The following CR1L variants were observed in gnomAD, a reference collection of about 807,000 sequenced individuals.
CR1L encodes the protein complement C3b/C4b receptor 1 like.
CR1L carries 59 observed loss-of-function variants against 62.3 expected under a neutral mutation model. The ratio of observed to expected loss-of-function variants is 0.95; its 90% CI spans 0.77 to 1.18. The LOEUF is 1.18. Ranked by LOEUF, CR1L falls within the 50% of genes most tolerant of loss-of-function variation. The probability of loss-of-function intolerance (pLI) is 0.00; values close to 1 mark genes in which losing one functional copy is unlikely to be tolerated. For synonymous variants in CR1L, 279 were observed against 248.7 expected (o/e 1.12, Z -1.15); for missense variants, 700 against 702.8 (o/e 1.00, Z 0.04).
intron 8 of CR1L, among the ~76,000 whole-genome samples, chr1:207,700,485 G>T (rs1454349683): frequency 6.6e-6 from 1 of 152,204 alleles, no homozygotes; most frequent in Non-Finnish European, 1.5e-5. Context: ...CAAATCAGTA[G>T]ATGCTAGAAA....
At chr1:207,647,424 G>A (rs1371587944) in intron 1 of CR1L, among the ~76,000 whole-genome samples, 1 of 152,098 alleles carries the variant, frequency 6.6e-6, no homozygotes, top group Non-Finnish European at 1.5e-5. Flanking sequence ...CCCAACTCAG[G>A]TTGAACACAT....
In CR1L at chr1:207,697,510, G is replaced by A; in HGVS notation, c.870G>A (p.Gln290=). Residue 290 remains glutamine, a synonymous_variant, in exon 6 of 12, where the codon CAG becomes CAA. Coordinates refer to ENST00000508064, the MANE Select transcript of CR1L (RefSeq NM_175710.2). ...TTGTTTCTCTCTCCCCAGTATGTCA[G>A]CCACCTCCAGATGTCCTGCATGCTG... ...PELPSCSRVC[Q]PPPDVLHAER... 1 of 1,613,720 alleles carries A rather than the reference G, an allele frequency of 6.2e-7. No individual in the cohort carries two copies. Among genetic ancestry groups the A allele is most frequent in the Non-Finnish European group, 8.5e-7 (1 of 1,179,720 alleles).
intron 1 of CR1L, chr1:207,652,666 C>A: frequency 1.0e-5 from 10 of 1,000,714 alleles, no homozygotes; most frequent in Non-Finnish European, 1.4e-5. Context: ...CTACGTACCT[C>A]CTCTTGCCAC....
intron 1 of CR1L, among the ~76,000 whole-genome samples, chr1:207,672,857 T>G (rs1002209093): frequency 2.5e-4 from 38 of 152,074 alleles, no homozygotes; most frequent in Non-Finnish European, 7.4e-5. Flanking sequence ...CTCGGATGAG[T>G]AGATGTATGA....
chr1:207,722,315 T>C (rs201973820), intron 11 of CR1L, among the ~76,000 whole-genome samples: 28 of 114,234 alleles, frequency 2.5e-4, no homozygotes, highest in South Asian at 5.7e-4. Flanking sequence ...CTAGGGTTTT[T>C]ATGGTTTTAG....
intron 9 of CR1L, 59 bp downstream of exon 9, chr1:207,701,677 A>G (rs1428125905): frequency 6.2e-7 from 1 of 1,608,526 alleles, no homozygotes; most frequent in African/African-American, 1.3e-5. Flanking sequence ...ACTACCTTCT[A>G]GCCACATCTC....
intron 1 of CR1L, chr1:207,658,461 C>T (rs1047444456): frequency 2.6e-5 from 4 of 152,250 alleles, no homozygotes; most frequent in African/African-American, 9.6e-5. Flanking sequence ...GCACCCCAGC[C>T]AGCTTGAAGA....
At chr1:207,665,445 G>T (rs1307760404) in intron 1 of CR1L, among the ~76,000 whole-genome samples, 4 of 151,344 alleles carry the variant, frequency 2.6e-5, no homozygotes, top group African/African-American at 9.7e-5. Context: ...CACCCAGGCT[G>T]GAGTCCAGTG....
At chr1:207,720,817 T>C (rs1014833762) in intron 11 of CR1L, among the ~76,000 whole-genome samples, 2 of 152,202 alleles carry the variant, frequency 1.3e-5, no homozygotes, top group Admixed American at 6.5e-5. Flanking sequence ...AATTAAACTA[T>C]GTGACACTCA....
At chr1:207,655,470 GT>G (rs1395300441) in intron 1 of CR1L, among the ~76,000 whole-genome samples, 4 of 151,966 alleles carry the variant, frequency 2.6e-5, no homozygotes, top group Admixed American at 1.3e-4. Flanking sequence ...GATTCTTTTT[GT>G]TTTTGTTTTT....
intron 8 of CR1L, 70 bp from the exon 9 acceptor site, chr1:207,701,449 G>T (rs1397059579): frequency 1.3e-6 from 2 of 1,585,568 alleles, no homozygotes; most frequent in Admixed American, 3.4e-5. Flanking sequence ...CTACATGCAG[G>T]TTGAGACCTT....
At chr1:207,684,569 A>T (rs1663866740) in intron 4 of CR1L, among the ~76,000 whole-genome samples, 1 of 152,232 alleles carries the variant, frequency 6.6e-6, no homozygotes, top group Admixed American at 6.5e-5. Context: ...TAGGAAAAAG[A>T]TGTGTTCAAA....
At chr1:207,721,831 C>T (rs1382517648) in intron 11 of CR1L, among the ~76,000 whole-genome samples, 1 of 144,754 alleles carries the variant, frequency 6.9e-6, no homozygotes, top group African/African-American at 2.6e-5. Context: ...GTTCCTATTT[C>T]TCCACATCCT....
chr1:207,712,545 A>T (rs1664375110), intron 10 of CR1L, among the ~76,000 whole-genome samples: 2 of 152,212 alleles, frequency 1.3e-5, no homozygotes, highest in Admixed American at 1.3e-4. Flanking sequence ...CCGCCTCCAG[A>T]AATCCTGCAT....
At chr1:207,647,312 C>T (rs572524683) in intron 1 of CR1L, among the ~76,000 whole-genome samples, 44 of 152,288 alleles carry the variant, frequency 2.9e-4, no homozygotes, top group African/African-American at 8.9e-4. Context: ...TTTCTGTTCC[C>T]TCAGTCCTGG....
intron 4 of CR1L, among the ~76,000 whole-genome samples, chr1:207,686,018 T>A (rs894680981): frequency 1.1e-4 from 16 of 149,958 alleles, no homozygotes; most frequent in African/African-American, 3.9e-4. Flanking sequence ...TTTCTTTCCT[T>A]CCCTCCTTCC....
intron 4 of CR1L, among the ~76,000 whole-genome samples, chr1:207,693,606 T>C (rs1304488250): frequency 6.6e-6 from 1 of 152,274 alleles, no homozygotes; most frequent in African/African-American, 2.4e-5. Flanking sequence ...TGGACTAATA[T>C]ATGACCACTT....
In CR1L at chr1:207,677,375, G is replaced by A; in HGVS notation, c.98-14G>A. 6.5e-7 allele frequency: 1 copy of A among 1,550,122 alleles called. No homozygotes were observed. On this transcript the variant is annotated splice_polypyrimidine_tract_variant and intron_variant, in intron 1 of 11. Coordinates refer to ENST00000508064, the MANE Select transcript of CR1L (RefSeq NM_175710.2). ...CTCCATTAACTTCGATGCTGCTGTGGTCTTGATCCCCAGATCAATGCAATG... is the reference window on the plus strand; with the variant it reads ...CTCCATTAACTTCGATGCTGCTGTGATCTTGATCCCCAGATCAATGCAATG...
intron 10 of CR1L, among the ~76,000 whole-genome samples, chr1:207,712,594 T>G (rs1664375861): frequency 6.6e-6 from 1 of 152,224 alleles, no homozygotes; most frequent in Non-Finnish European, 1.5e-5. Flanking sequence ...ACTTTTTACC[T>G]GGGCAGGAAG....
Sources: gnomAD v4.1 joint callset for allele counts (sites outside exome capture counted in the v4.1 genomes callset) on GRCh38, gnomAD v4.1.1 for gene constraint, MANE v1.5 for transcripts, NCBI Gene and HGNC (gene_info 2026-07-23, HGNC 2026-07-21) for gene names.